The following TBX22 variants were observed in gnomAD, a reference collection of about 807,000 sequenced individuals.
TBX22 encodes the protein T-box transcription factor TBX22.
TBX22 carries 8 observed loss-of-function variants against 30.1 expected under a neutral mutation model. That is an observed-to-expected ratio of 0.27 (90% CI 0.16 to 0.48). The LOEUF (loss-of-function observed/expected upper bound fraction) is 0.48. Ranked by LOEUF, TBX22 falls within the 20% of genes least tolerant of loss-of-function variation. The pLI is 0.99. For synonymous variants in TBX22, 173 were observed against 149.1 expected, an observed-to-expected ratio of 1.16 and a Z score of -1.17; for missense variants, 463 against 400.5, an observed-to-expected ratio of 1.16 and a Z score of -1.33.
intron 1 of TBX22, among the ~76,000 whole-genome samples, chrX:80,018,473 C>T (rs1386453334): frequency 8.9e-6 from 1 of 111,781 alleles, no homozygotes; most frequent in East Asian, 2.8e-4. Flanking sequence ...TTCCTAAAGA[C>T]TTTCAACCTT....
At chrX:80,022,663 T>C (rs1923771406) in intron 2 of TBX22, 1 of 450,729 alleles carries the variant, frequency 2.2e-6, no homozygotes, top group South Asian at 3.2e-5. Flanking sequence ...GTGAAGTGAG[T>C]CTCTCCTACA....
In TBX22 at chrX:80,024,079, G is replaced by A. The variant is rs761944554; in HGVS notation, c.373G>A (p.Val125Ile). 2.5e-6 allele frequency: 3 copies of A among 1,211,218 alleles called. No homozygotes were observed. The highest frequency in any genetic ancestry group is 2.2e-5 in the Admixed American group (1 of 46,041). The change falls in exon 4 of 9, where the codon GTT becomes ATT. Residue 125 changes from valine (V) to isoleucine (I), a missense_variant. By Grantham distance (29) the Val-to-Ile change is conservative. Transcript: ENST00000373296. ...TKAGRRMFPS[V>I]RVKVKGLDPG... is the part of the protein sequence containing the mutation. Reference sequence around the variant, plus strand: ...TTCTTACAGGCGGATGTTCCCCTCTGTTCGGGTCAAGGTGAAAGGGTTGGA... The same window carrying A: ...TTCTTACAGGCGGATGTTCCCCTCTATTCGGGTCAAGGTGAAAGGGTTGGA...
rs1379493336 is a variant in TBX22, at chrX:80,023,209, G to A, written c.325G>A (p.Gly109Arg). The stretch of plus-strand genomic sequence containing the variant: ...ACTGTGGAAAAGATTCCATGACATC[G>A]GGACTGAGATGATCATTACTAAAGC... ...SELWKRFHDI[G>R]TEMIITKAGR... The change falls in exon 3 of 9, where the codon GGG becomes AGG. Residue 109 changes from glycine to arginine, a missense_variant. Transcript: ENST00000373296. 8.3e-7 allele frequency: 1 copy of A among 1,211,582 alleles called. No homozygotes were observed.
At chrX:80,017,811 A>G (rs973071307) in intron 1 of TBX22, among the ~76,000 whole-genome samples, 4 of 111,872 alleles carry the variant, frequency 3.6e-5, no homozygotes, top group Non-Finnish European at 7.5e-5. Context: ...TGCCTTTGAT[A>G]TACTTCAGTT....
At chrX:80,030,099 G>T (rs1924171973) in intron 8 of TBX22, among the ~76,000 whole-genome samples, 1 of 111,420 alleles carries the variant, frequency 9.0e-6, no homozygotes, top group African/African-American at 3.3e-5. Flanking sequence ...ATCATTAAAG[G>T]GCACTCAACC....
At chrX:80,020,324 A>G in intron 1 of TBX22, among the ~76,000 whole-genome samples, 1 of 70,304 alleles carries the variant, frequency 1.4e-5, no homozygotes, top group Non-Finnish European at 2.4e-5. Context: ...TAGATGATAC[A>G]TATAGATAGA....
rs185126190 is a variant in TBX22 at position 80,025,952 on chromosome X, T to A, written c.633+175T>A. On this transcript the variant is annotated intron_variant, in intron 5 of 8. Coordinates refer to ENST00000373296, the MANE Select transcript of TBX22 (RefSeq NM_001109878.2). ...TAACCTAGGGCTCCTGAAACGTTTGTTTAGCATCTGAGATGCTGGCGACTG... is the reference window on the plus strand; with the variant it reads ...TAACCTAGGGCTCCTGAAACGTTTGATTAGCATCTGAGATGCTGGCGACTG... Among the ~76,000 whole-genome samples, 21 of 111,472 alleles carry A rather than the reference T, an allele frequency of 1.9e-4. No homozygotes were observed. In the Admixed American group the frequency reaches 2.0e-3, roughly 11 times the overall value.
intron 2 of TBX22, chrX:80,022,779 G>T (rs1334109659): frequency 2.5e-6 from 1 of 401,434 alleles, no homozygotes; most frequent in African/African-American, 2.7e-5. Flanking sequence ...TCCAGTCTCG[G>T]TTATCAACGT....
Position 80,030,985 on chromosome X carries a change from C to A in TBX22, c.1437C>A (p.Phe479Leu), listed in dbSNP as rs779885451. The change falls in exon 9 of 9, where the codon TTC becomes TTA. Residue 479 changes from phenylalanine (F) to leucine (L), a missense_variant. Transcript: ENST00000373296. ...CCTATGACTTTTATAGATACAATTT[C>A]TCTATGCCATCTAGACTGATAAGTG... ...HPSYDFYRYN[F>L]SMPSRLISGS... 5 of 1,210,647 alleles carry A rather than the reference C, an allele frequency of 4.1e-6. No homozygotes were observed. The African/African-American group carries it at 5.2e-5, about 13-fold the overall frequency.
intron 8 of TBX22, among the ~76,000 whole-genome samples, chrX:80,028,968 AC>A (rs1924113165): frequency 9.0e-6 from 1 of 110,712 alleles, no homozygotes; most frequent in African/African-American, 3.3e-5. Context: ...GAAAAAAAAA[AC>A]ACTTATTTTA....
At position 80,026,623 on chromosome X, in the gene TBX22, T is replaced by C; in HGVS notation, c.634-81T>C. On this transcript the variant is annotated intron_variant, in intron 5 of 8. Coordinates refer to ENST00000373296, the MANE Select transcript of TBX22 (RefSeq NM_001109878.2). ...TCATCATTGCCTTTTTGTGTGCACA[T>C]GGTGGAGGTGGTCAGGAGAGGGAAC... is the stretch of plus-strand genomic sequence containing the variant. The C allele has an allele frequency of 3.0e-6, 3 of 990,708 alleles. No homozygotes were observed. The South Asian group carries it at 5.8e-5, about 19-fold the overall frequency. The allele number at this position is 990,708 out of a possible 1,213,427, so 81.6% of individuals were successfully genotyped here.
chrX:80,029,941 A>AGTG lies in TBX22; in HGVS notation c.950-554_950-552dup, dbSNP rs921808179. 2.7e-5 allele frequency among the ~76,000 whole-genome samples: 3 copies of AGTG among 111,933 alleles called. No individual in the cohort carries two copies. The Admixed American group carries it at 2.9e-4, about 11-fold the overall frequency. On this transcript the variant is annotated intron_variant, in intron 8 of 8. Transcript: ENST00000373296. ...ACATGGTAGTAGTGCTAAAAGTAAT[A>AGTG]GTGGTAGTAGTATAGATCAGTGGTC...
In TBX22 at chrX:80,024,138, G is replaced by A; in HGVS notation, c.432G>A (p.Val144=). 1 of 1,210,875 alleles carries A rather than the reference G, an allele frequency of 8.3e-7. No homozygotes were observed. Among genetic ancestry groups the A allele is most frequent in the Non-Finnish European group, 1.1e-6 (1 of 894,957 alleles). The change falls in exon 4 of 9, where the codon GTG becomes GTA. Residue 144 remains valine (V), a synonymous_variant. Coordinates refer to ENST00000373296, the MANE Select transcript of TBX22 (RefSeq NM_001109878.2). ...AGCAGTACCATGTGGCCATCGATGT[G>A]GTGCCGGTGGATTCCAAACGCTATA... ...PGKQYHVAID[V]VPVDSKRYRY...
In TBX22 at chrX:80,022,317, G is replaced by A; in HGVS notation, c.48G>A (p.Val16=). Residue 16 remains valine, a synonymous_variant, in exon 2 of 9, where the codon GTG becomes GTA. Coordinates refer to ENST00000373296, the MANE Select transcript of TBX22 (RefSeq NM_001109878.2). ...GTGCCTTCTCCGTGGAAGCCTTGGT[G>A]GGGAGACCCAGCAAAAGAAAACTCC... ...RARAFSVEAL[V]GRPSKRKLQD... is the part of the protein sequence containing the mutation. 3 of 1,211,491 alleles carry A rather than the reference G, an allele frequency of 2.5e-6. No homozygotes were observed. The highest frequency in any genetic ancestry group is 3.4e-6 in the Non-Finnish European group (3 of 895,399).
intron 2 of TBX22, chrX:80,022,800 G>C (rs1203153081): frequency 2.5e-6 from 1 of 397,946 alleles, no homozygotes; most frequent in Non-Finnish European, 4.3e-6. Context: ...CTCCAGGAGA[G>C]TGAGGATTGG....
At chrX:80,022,560 G>T in intron 2 of TBX22, 116 bp downstream of exon 2, 2 of 743,674 alleles carry the variant, frequency 2.7e-6, no homozygotes, top group South Asian at 2.3e-5. Context: ...GAGACACCTC[G>T]ACCACCTGGT....
At chrX:80,016,147 T>C (rs1243704760) in intron 1 of TBX22, among the ~76,000 whole-genome samples, 1 of 112,451 alleles carries the variant, frequency 8.9e-6, no homozygotes, top group Admixed American at 9.4e-5. Flanking sequence ...CAGATAATTA[T>C]GAGAATATGG....
chrX:80,025,972 C>T (rs771530951), intron 5 of TBX22, among the ~76,000 whole-genome samples, 195 bp downstream of exon 5: 7 of 111,252 alleles, frequency 6.3e-5, no homozygotes, highest in Non-Finnish European at 1.1e-4. Context: ...GAGATGCTGG[C>T]GACTGGGGAT....
chrX:80,022,992 C>A, intron 2 of TBX22, 68 bp from the exon 3 acceptor site: 3 of 1,094,049 alleles, frequency 2.7e-6, no homozygotes, highest in Non-Finnish European at 3.8e-6. Flanking sequence ...AAGATAGGCA[C>A]CAGCGAGAAG....
Sources: gnomAD v4.1 joint callset for allele counts (sites outside exome capture counted in the v4.1 genomes callset) on GRCh38, gnomAD v4.1.1 for gene constraint, MANE v1.5 for transcripts, NCBI Gene and HGNC (gene_info 2026-07-23, HGNC 2026-07-21) for gene names.